PPARGC1B: variants seen among roughly 807,000 people sequenced by gnomAD.
The protein encoded by PPARGC1B is peroxisome proliferator-activated receptor gamma coactivator 1-beta.
In PPARGC1B, 34 loss-of-function variants were observed where a neutral mutation model predicts 101.6. The ratio of observed to expected loss-of-function variants is 0.33; its 90% CI spans 0.25 to 0.45. The LOEUF (loss-of-function observed/expected upper bound fraction) is 0.45. Among genes scored for constraint, PPARGC1B ranks in the 20% least tolerant of loss-of-function variants. The pLI, the probability that PPARGC1B is intolerant of heterozygous loss-of-function variation, is 1.00. For missense variants in PPARGC1B, 1,234 were observed against 1,317.6 expected (o/e 0.94, Z 0.98); for synonymous variants, 548 against 539.3 (o/e 1.02, Z -0.22).
At chr5:149,825,235 C>T (rs576205214) in intron 2 of PPARGC1B, among the ~76,000 whole-genome samples, 14 of 152,256 alleles carry the variant, frequency 9.2e-5, no homozygotes, top group Non-Finnish European at 2.1e-4. Context: ...GTGCATGGGG[C>T]ACTCTTGCTG....
chr5:149,737,101 C>A (rs948496810), intron 1 of PPARGC1B, among the ~76,000 whole-genome samples: 1 of 152,176 alleles, frequency 6.6e-6, no homozygotes, highest in South Asian at 2.1e-4. Flanking sequence ...AACCACTGAT[C>A]TTTTTACCGT....
chr5:149,804,792 G>A (rs1287539166), intron 1 of PPARGC1B, among the ~76,000 whole-genome samples: 3 of 152,232 alleles, frequency 2.0e-5, no homozygotes, highest in Non-Finnish European at 4.4e-5. Flanking sequence ...CCTGGGGGAG[G>A]TGTCCCAGGT....
In PPARGC1B at chr5:149,825,947, A is replaced by T. The variant is rs540019396; in HGVS notation, c.253-726A>T. On this transcript the variant is annotated intron_variant, in intron 2 of 11. Coordinates refer to ENST00000309241, the MANE Select transcript of PPARGC1B (RefSeq NM_133263.4). ...GTGCTTTTATTTTGTGCCAGGCACC[A>T]TTTTCTAAGCATCTTACCTAAGTTT... Among the ~76,000 whole-genome samples, 10 of 152,326 alleles carry T rather than the reference A, an allele frequency of 6.6e-5. No individual in the cohort carries two copies. The East Asian group carries it at 1.9e-3, about 29-fold the overall frequency.
At chr5:149,825,689 C>T (rs1279936771) in intron 2 of PPARGC1B, among the ~76,000 whole-genome samples, 1 of 152,206 alleles carries the variant, frequency 6.6e-6, no homozygotes, top group African/African-American at 2.4e-5. Context: ...GGAGGGTAAG[C>T]TCCATGGGAG....
Position 149,808,552 on chromosome 5 carries a change from C to G in PPARGC1B, c.79-11881C>G, listed in dbSNP as rs576737757. Reference sequence around the variant, plus strand: ...CTTGACCTTGTAGAGGGGCCTGGAACCAGGAAAGAAACTGAACTCTCAGCG... The same window carrying G: ...CTTGACCTTGTAGAGGGGCCTGGAAGCAGGAAAGAAACTGAACTCTCAGCG... On this transcript the variant is annotated intron_variant, in intron 1 of 11. Coordinates refer to ENST00000309241, the MANE Select transcript of PPARGC1B (RefSeq NM_133263.4). Among the ~76,000 whole-genome samples the G allele has an allele frequency of 1.2e-4, 18 of 152,168 alleles. No homozygotes were observed. In the South Asian group the frequency reaches 2.3e-3, roughly 19 times the overall value.
chr5:149,764,160 TATAG>T (rs34158490), intron 1 of PPARGC1B, among the ~76,000 whole-genome samples: 17,363 of 152,202 alleles, frequency 0.11, 1,300 homozygotes, highest in Admixed American at 0.23. Flanking sequence ...GCATTCTTTA[TATAG>T]ATAGAGAAAC....
At chr5:149,770,923 A>G (rs1756105849) in intron 1 of PPARGC1B, among the ~76,000 whole-genome samples, 3 of 152,228 alleles carry the variant, frequency 2.0e-5, no homozygotes, top group South Asian at 4.1e-4. Context: ...CGAAGCCATC[A>G]TAGGACTTGA....
intron 1 of PPARGC1B, among the ~76,000 whole-genome samples, chr5:149,778,535 T>A (rs1741021643): frequency 6.6e-6 from 1 of 152,146 alleles, no homozygotes; most frequent in African/African-American, 2.4e-5. Flanking sequence ...ACAGTCCTCA[T>A]GACCTCCCAC....
chr5:149,845,085 C>T (rs1759500626), intron 10 of PPARGC1B, among the ~76,000 whole-genome samples: 1 of 152,182 alleles, frequency 6.6e-6, no homozygotes, highest in Non-Finnish European at 1.5e-5. Context: ...GCCATTGTCA[C>T]GTGGCTTGCC....
intron 1 of PPARGC1B, among the ~76,000 whole-genome samples, chr5:149,768,414 A>G (rs942269717): frequency 4.7e-5 from 7 of 150,056 alleles, no homozygotes; most frequent in African/African-American, 1.7e-4. Flanking sequence ...AGCTGGGACT[A>G]TAGGCACGTG....
downstream of PPARGC1B, chr5:149,857,950 A>C (rs1309310094): frequency 6.6e-6 from 1 of 152,252 alleles, no homozygotes; most frequent in Non-Finnish European, 1.5e-5. Context: ...GAAGGAAGAA[A>C]AGTTCTAGAG....
chr5:149,796,243 T>G (rs72830245), intron 1 of PPARGC1B, among the ~76,000 whole-genome samples: 27,384 of 151,642 alleles, frequency 0.18, 2,645 homozygotes, highest in Middle Eastern at 0.3. Context: ...TTGGAGGAGG[T>G]GACATTTGAT....
chr5:149,804,936 C>T (rs17110434), intron 1 of PPARGC1B, among the ~76,000 whole-genome samples: 6,766 of 152,238 alleles, frequency 0.044, 281 homozygotes, highest in African/African-American at 0.11. Context: ...CCCCTGAGGA[C>T]TCCGGGTTTT....
chr5:149,817,503 GAT>G (rs1231631077), intron 1 of PPARGC1B: 14 of 341,078 alleles, frequency 4.1e-5, no homozygotes, highest in Non-Finnish European at 1.7e-5. Context: ...AGCGTGAAAA[GAT>G]AGATTTTGTT....
intron 11 of PPARGC1B, chr5:149,846,912 C>A: frequency 6.0e-6 from 1 of 166,258 alleles, no homozygotes; most frequent in Non-Finnish European, 1.3e-5. Context: ...TGGTGAAACC[C>A]CCTCTCTATT....
chr5:149,785,781 A>G (rs546515789), intron 1 of PPARGC1B, among the ~76,000 whole-genome samples: 3 of 152,196 alleles, frequency 2.0e-5, no homozygotes, highest in South Asian at 4.1e-4. Flanking sequence ...ACCTAGGTTG[A>G]CACTAAATGA....
At chr5:149,804,133 G>A (rs1156836144) in intron 1 of PPARGC1B, among the ~76,000 whole-genome samples, 1 of 152,230 alleles carries the variant, frequency 6.6e-6, no homozygotes, top group East Asian at 1.9e-4. Context: ...CGGTAAAGGG[G>A]GGTTAGTGTG....
At chr5:149,779,092 C>T (rs971045897) in intron 1 of PPARGC1B, among the ~76,000 whole-genome samples, 4 of 152,098 alleles carry the variant, frequency 2.6e-5, no homozygotes, top group African/African-American at 7.2e-5. Flanking sequence ...CCAGACTCCT[C>T]GGGACACCAA....
chr5:149,797,530 G>A (rs1180686559), intron 1 of PPARGC1B, among the ~76,000 whole-genome samples: 1 of 152,128 alleles, frequency 6.6e-6, no homozygotes, highest in African/African-American at 2.4e-5. Context: ...TTGTTAATAA[G>A]GAAACACTAC....
Sources: allele counts gnomAD v4.1 joint callset (sites outside exome capture counted in the v4.1 genomes callset), GRCh38; gene constraint gnomAD v4.1.1; transcripts MANE v1.5; gene names NCBI Gene and HGNC (gene_info 2026-07-23, HGNC 2026-07-21).